Variants in MYO16 observed in about 807,000 individuals in gnomAD.
The protein encoded by MYO16 is unconventional myosin-XVI.
Under a neutral mutation model 205.3 loss-of-function variants are expected in MYO16, and 94 were observed. The ratio of observed to expected loss-of-function variants is 0.46; its 90% CI spans 0.39 to 0.54. The LOEUF (loss-of-function observed/expected upper bound fraction) is 0.54. Ranked by LOEUF, MYO16 falls within the 20% of genes least tolerant of loss-of-function variation. The pLI, the probability that MYO16 is intolerant of heterozygous loss-of-function variation, is 0.00. For synonymous variants in MYO16, 988 were observed against 954.0 expected, an observed-to-expected ratio of 1.04 and a Z score of -0.66; for missense variants, 2,315 against 2,387.5, an observed-to-expected ratio of 0.97 and a Z score of 0.63.
intron 1 of MYO16, among the ~76,000 whole-genome samples, chr13:108,662,014 G>A (rs1881524547): frequency 6.6e-6 from 1 of 152,218 alleles, no homozygotes; most frequent in Admixed American, 6.5e-5. Context: ...TCCTATGGAT[G>A]TGACTTCCTG....
chr13:109,174,331 G>T (rs1442142072), intron 33 of MYO16, among the ~76,000 whole-genome samples: 1 of 152,180 alleles, frequency 6.6e-6, no homozygotes, highest in Non-Finnish European at 1.5e-5. Flanking sequence ...TTCCAGGATA[G>T]AAAGAGAAAA....
intron 2 of MYO16, among the ~76,000 whole-genome samples, chr13:108,693,205 A>C (rs1358668255): frequency 3.3e-5 from 5 of 152,218 alleles, no homozygotes; most frequent in African/African-American, 1.2e-4. Context: ...TTGTCAGGGA[A>C]TTGTGGCTCT....
chr13:108,531,052 C>T, the MYO16 span, among the ~76,000 whole-genome samples: 1 of 152,110 alleles, frequency 6.6e-6, no homozygotes, highest in African/African-American at 2.4e-5. Context: ...AAAGATCAGC[C>T]TTGCTGGTAG....
chr13:109,040,395 G>C (rs1405015069), intron 23 of MYO16, among the ~76,000 whole-genome samples: 8 of 149,690 alleles, frequency 5.3e-5, no homozygotes, highest in African/African-American at 7.4e-5. Context: ...CAGAGAGAGA[G>C]AGAGAGAGAG....
the MYO16 span, among the ~76,000 whole-genome samples, chr13:108,589,267 G>A: frequency 6.3e-4 from 96 of 152,074 alleles, 1 homozygote; most frequent in East Asian, 4.8e-3. Flanking sequence ...TTTTCCTACC[G>A]AACAGATTTT....
intron 23 of MYO16, among the ~76,000 whole-genome samples, chr13:109,036,716 A>G (rs1471879563): frequency 6.6e-6 from 1 of 152,238 alleles, no homozygotes; most frequent in African/African-American, 2.4e-5. Flanking sequence ...ATGAATATAA[A>G]TTTCTCTATT....
intron 13 of MYO16, among the ~76,000 whole-genome samples, chr13:108,886,846 G>C (rs1879923053): frequency 6.6e-6 from 1 of 152,068 alleles, no homozygotes; most frequent in Admixed American, 6.5e-5. Flanking sequence ...CGCTAGTCCT[G>C]ATATACAGAA....
Position 109,127,877 on chromosome 13 carries a change from AAC to A in MYO16, c.4051+328_4051+329del, listed in dbSNP as rs1218361785. Among the ~76,000 whole-genome samples the A allele has an allele frequency of 9.0e-4, 137 of 151,604 alleles. No individual in the cohort carries two copies. Among genetic ancestry groups the A allele is most frequent in the South Asian group, 3.5e-3 (17 of 4,790 alleles). On this transcript the variant is annotated intron_variant, in intron 31 of 34. Coordinates refer to ENST00000457511, the MANE Select transcript of MYO16 (RefSeq NM_001198950.3). The surrounding 1 kb of genome is among the most constrained non-coding windows in gnomAD (Gnocchi z 4.2). ...GAGAAAGTAAAAAAAAAAAAAAAAA[AAC>A]TGCTTCAGGCATTCCAGTTATCACA...
In MYO16 at chr13:108,871,405, C is replaced by T. The variant is rs76159030; in HGVS notation, c.1425+5163C>T. 1.6e-3 allele frequency among the ~76,000 whole-genome samples: 244 copies of T among 149,968 alleles called. 2 individuals are homozygous for T. Among genetic ancestry groups the T allele is most frequent in the African/African-American group, 5.8e-3 (235 of 40,816 alleles). ...CATATATGGATATATTTACTGACAT[C>T]CACGGAGATTTTTGATGGAGTATTG... On this transcript the variant is annotated intron_variant, in intron 12 of 34. Coordinates refer to ENST00000457511, the MANE Select transcript of MYO16 (RefSeq NM_001198950.3).
chr13:108,658,532 G>A (rs1335068075), intron 1 of MYO16, among the ~76,000 whole-genome samples: 2 of 150,496 alleles, frequency 1.3e-5, no homozygotes, highest in African/African-American at 4.9e-5. Context: ...TGTATTTAAA[G>A]TTAATAATTT....
intron 16 of MYO16, among the ~76,000 whole-genome samples, chr13:108,941,451 T>C (rs1351067264): frequency 6.6e-6 from 1 of 151,688 alleles, no homozygotes; most frequent in East Asian, 1.9e-4. Context: ...CCGAGGCGGG[T>C]GGACCATTTG....
At chr13:108,805,953 T>C (rs957383472) in intron 6 of MYO16, among the ~76,000 whole-genome samples, 15 of 151,136 alleles carry the variant, frequency 9.9e-5, no homozygotes, top group African/African-American at 1.2e-4. Context: ...AATAAATAAA[T>C]AAATAAAATT....
At position 108,994,048 on chromosome 13, in the gene MYO16, C is replaced by T. The variant is rs539022689; in HGVS notation, c.2442+1600C>T. The stretch of plus-strand genomic sequence containing the variant: ...CAATAGAGTGTCCTAATGATGAATA[C>T]GTGCAAAACTTTTAAGTTATTTTCT... On this transcript the variant is annotated intron_variant, in intron 21 of 34. Transcript: ENST00000457511. Among the ~76,000 whole-genome samples, 100 of 152,234 alleles carry T rather than the reference C, an allele frequency of 6.6e-4. 1 individual carries two copies. Among genetic ancestry groups the T allele is most frequent in the Non-Finnish European group, 5.7e-4 (39 of 68,020 alleles).
At chr13:108,533,660 T>C in the MYO16 span, among the ~76,000 whole-genome samples, 299 of 152,346 alleles carry the variant, frequency 2.0e-3, no homozygotes, top group Non-Finnish European at 3.6e-3. Flanking sequence ...TATGTATTTA[T>C]CACTTTTTCT....
At chr13:109,024,005 AATAT>A in intron 23 of MYO16, among the ~76,000 whole-genome samples, 1 of 99,144 alleles carries the variant, frequency 1.0e-5, no homozygotes, top group East Asian at 4.5e-4. Flanking sequence ...TATATATAGA[AATAT>A]TATATATACA....
At chr13:108,564,233 C>T in the MYO16 span, among the ~76,000 whole-genome samples, 2 of 149,832 alleles carry the variant, frequency 1.3e-5, no homozygotes, top group Non-Finnish European at 3.0e-5. Flanking sequence ...TGCAGTGGCA[C>T]CATCTTGGCT....
chr13:108,568,411 T>C, the MYO16 span, among the ~76,000 whole-genome samples: 1 of 152,146 alleles, frequency 6.6e-6, no homozygotes, highest in African/African-American at 2.4e-5. Flanking sequence ...AAGTATCTCA[T>C]TGTGGTTGTA....
chr13:108,974,641 T>A (rs573703938), intron 20 of MYO16, among the ~76,000 whole-genome samples: 3 of 152,312 alleles, frequency 2.0e-5, no homozygotes, highest in Non-Finnish European at 4.4e-5. Flanking sequence ...AAGAATTCTA[T>A]TTTTGTATTT....
chr13:108,579,673 T>C, the MYO16 span, among the ~76,000 whole-genome samples: 8 of 152,144 alleles, frequency 5.3e-5, no homozygotes, highest in African/African-American at 1.9e-4. Context: ...ACTCCTGACC[T>C]CGTGATCCAC....
Sources: gnomAD v4.1 joint callset for allele counts (sites outside exome capture counted in the v4.1 genomes callset) on GRCh38, gnomAD v4.1.1 for gene constraint, Gnocchi (gnomAD v3.1) non-coding constraint, MANE v1.5 for transcripts, NCBI Gene and HGNC (gene_info 2026-07-23, HGNC 2026-07-21) for gene names.